The following B4GALT5 variants were observed in gnomAD, a reference collection of about 807,000 sequenced individuals.
The protein encoded by B4GALT5 is UDP-Gal:beta-GlcNAc beta-1,4-galactosyltransferase 5.
In B4GALT5, 11 loss-of-function variants were observed where a neutral mutation model predicts 45.0. That is an observed-to-expected ratio of 0.24 (90% CI 0.15 to 0.40). The LOEUF (loss-of-function observed/expected upper bound fraction) is 0.40. Among genes scored for constraint, B4GALT5 ranks in the 10% least tolerant of loss-of-function variants. The probability of loss-of-function intolerance (pLI) is 1.00; values close to 1 mark genes in which losing one functional copy is unlikely to be tolerated. For missense variants in B4GALT5, 337 were observed against 500.2 expected, an observed-to-expected ratio of 0.67 and a Z score of 3.11; for synonymous variants, 185 against 182.9, an observed-to-expected ratio of 1.01 and a Z score of -0.09.
intron 1 of B4GALT5, among the ~76,000 whole-genome samples, chr20:49,712,227 A>C (rs1045631463): frequency 1.3e-5 from 2 of 152,258 alleles, no homozygotes; most frequent in Non-Finnish European, 2.9e-5. Context: ...GTGCTTTTAA[A>C]GAACATGTAT....
At chr20:49,663,443 C>CA (rs11086291) in intron 1 of B4GALT5, among the ~76,000 whole-genome samples, 2,985 of 142,774 alleles carry the variant, frequency 0.021, 107 homozygotes, top group African/African-American at 0.072. Context: ...CATATTTTTA[C>CA]AAAAAAAAAA....
chr20:49,693,916 A>G (rs1373998951), intron 1 of B4GALT5, among the ~76,000 whole-genome samples: 1 of 152,218 alleles, frequency 6.6e-6, no homozygotes, highest in East Asian at 1.9e-4. Context: ...ACAAACAGTT[A>G]ATGAAGGGAA....
chr20:49,651,896 T>C (rs1039220700), intron 2 of B4GALT5, among the ~76,000 whole-genome samples: 1 of 151,984 alleles, frequency 6.6e-6, no homozygotes, highest in Non-Finnish European at 1.5e-5. Flanking sequence ...CTGGGCAACA[T>C]GATGAAACCT....
chr20:49,689,322 A>T (rs2085800274), intron 1 of B4GALT5, among the ~76,000 whole-genome samples: 1 of 152,242 alleles, frequency 6.6e-6, no homozygotes, highest in Non-Finnish European at 1.5e-5. Flanking sequence ...GATAATTCTT[A>T]GCTCACTCTC....
At chr20:49,685,771 T>C (rs985464119) in intron 1 of B4GALT5, among the ~76,000 whole-genome samples, 1 of 152,210 alleles carries the variant, frequency 6.6e-6, no homozygotes, top group African/African-American at 2.4e-5. Context: ...CACTAACATT[T>C]AGATCTGCTT....
chr20:49,667,184 G>A (rs2085694297), intron 1 of B4GALT5, among the ~76,000 whole-genome samples: 1 of 151,704 alleles, frequency 6.6e-6, no homozygotes, highest in Non-Finnish European at 1.5e-5. Flanking sequence ...CAGCTACTAT[G>A]CTGCCCACAC....
At chr20:49,695,940 T>C (rs1250226829) in intron 1 of B4GALT5, among the ~76,000 whole-genome samples, 1 of 152,210 alleles carries the variant, frequency 6.6e-6, no homozygotes, top group East Asian at 1.9e-4. Flanking sequence ...AATGCTTCCA[T>C]GTGGGATCTT....
chr20:49,685,197 G>A (rs919765455), intron 1 of B4GALT5, among the ~76,000 whole-genome samples: 1 of 152,174 alleles, frequency 6.6e-6, no homozygotes, highest in African/African-American at 2.4e-5. Context: ...TTGTTAAGAT[G>A]TGTTACACAG....
At chr20:49,713,333 G>A (rs572370737) in intron 1 of B4GALT5, among the ~76,000 whole-genome samples, 49 of 151,986 alleles carry the variant, frequency 3.2e-4, no homozygotes, top group African/African-American at 1.1e-3. Context: ...GGTTCGCGAG[G>A]GTGGCGTTAG....
intron 1 of B4GALT5, among the ~76,000 whole-genome samples, chr20:49,674,081 C>CAAAAAAAAAAAAAAAA (rs34718276): frequency 4.2e-5 from 4 of 94,536 alleles, no homozygotes; most frequent in Non-Finnish European, 4.4e-5. Context: ...ATTAAAAATA[C>CAAAAAAAAAAAAAAAA]AAAAAAAAAA....
chr20:49,665,194 G>A (rs1033200143), intron 1 of B4GALT5, among the ~76,000 whole-genome samples: 4 of 151,944 alleles, frequency 2.6e-5, no homozygotes, highest in African/African-American at 4.8e-5. Flanking sequence ...TAAGCAGGAG[G>A]ATCACTTGAG....
At chr20:49,658,502 A>G (rs1381571587) in intron 1 of B4GALT5, among the ~76,000 whole-genome samples, 1 of 152,166 alleles carries the variant, frequency 6.6e-6, no homozygotes, top group East Asian at 1.9e-4. Flanking sequence ...TTTTGTGTAA[A>G]GCTTTTATTG....
intron 1 of B4GALT5, among the ~76,000 whole-genome samples, chr20:49,671,985 T>C (rs1002548562): frequency 2.0e-5 from 3 of 152,146 alleles, no homozygotes; most frequent in Non-Finnish European, 4.4e-5. Flanking sequence ...AATCTCAAAC[T>C]GTTATTCTAC....
intron 1 of B4GALT5, among the ~76,000 whole-genome samples, chr20:49,692,733 C>T (rs1476105655): frequency 1.3e-5 from 2 of 152,138 alleles, no homozygotes; most frequent in Admixed American, 6.5e-5. Flanking sequence ...TGTCACACTG[C>T]CTCTAGACTA....
At chr20:49,646,400 C>T (rs1338953963) in intron 3 of B4GALT5, among the ~76,000 whole-genome samples, 3 of 146,492 alleles carry the variant, frequency 2.0e-5, no homozygotes, top group Non-Finnish European at 4.4e-5. Context: ...AAGTACCCTA[C>T]ACAGCTGTAC....
Position 49,649,612 on chromosome 20 carries a change from A to G in B4GALT5, c.251-2534T>C, listed in dbSNP as rs569556627. Among the ~76,000 whole-genome samples the G allele has an allele frequency of 2.6e-5, 4 of 152,184 alleles. No homozygotes were observed. The Middle Eastern group carries it at 0.014, about 518-fold the overall frequency. On this transcript the variant is annotated intron_variant, in intron 2 of 8. Transcript: ENST00000371711. ...AACAAAAACAAAAACATGAACCAAG[A>G]CAGAACCTTAAAGATAATATTTACA...
chr20:49,694,897 G>C (rs947509199), intron 1 of B4GALT5, among the ~76,000 whole-genome samples: 3 of 151,818 alleles, frequency 2.0e-5, no homozygotes, highest in African/African-American at 7.3e-5. Flanking sequence ...TCACCAAGTG[G>C]GTGCCACACA....
At position 49,702,903 on chromosome 20, in the gene B4GALT5, G is replaced by A. The variant is rs145378241; in HGVS notation, c.115+10673C>T. Among the ~76,000 whole-genome samples, 418 of 151,878 alleles carry A rather than the reference G, an allele frequency of 2.8e-3. 3 individuals carry two copies. The highest frequency in any genetic ancestry group is 9.6e-3 in the African/African-American group (396 of 41,422). On this transcript the variant is annotated intron_variant, in intron 1 of 8. Transcript: ENST00000371711. ...AAATAGTGATTACTGGCCAGGCGCG[G>A]TGGCTCACGCCTGTAATGTCAGCAC...
At chr20:49,662,725 CA>C (rs2085670270) in intron 1 of B4GALT5, among the ~76,000 whole-genome samples, 1 of 152,168 alleles carries the variant, frequency 6.6e-6, no homozygotes, top group Admixed American at 6.5e-5. Context: ...GCTTTCCCCC[CA>C]AAATGTTCTG....
Sources: allele counts gnomAD v4.1 joint callset (sites outside exome capture counted in the v4.1 genomes callset), GRCh38; gene constraint gnomAD v4.1.1; transcripts MANE v1.5; gene names NCBI Gene and HGNC (gene_info 2026-07-23, HGNC 2026-07-21).